CDKL5: variants seen among roughly 807,000 people sequenced by gnomAD.
CDKL5 encodes the protein cyclin dependent kinase like 5.
In CDKL5, 8 loss-of-function variants were observed where a neutral mutation model predicts 61.7. The observed-to-expected ratio is 0.13, with a 90% CI of 0.08 to 0.23. CDKL5 has a LOEUF of 0.23. Ranked by LOEUF, CDKL5 falls within the 10% of genes least tolerant of loss-of-function variation. The pLI, the probability that CDKL5 is intolerant of heterozygous loss-of-function variation, is 1.00. For synonymous variants in CDKL5, 275 were observed against 272.3 expected, an observed-to-expected ratio of 1.01 and a Z score of -0.10; for missense variants, 440 against 734.5, an observed-to-expected ratio of 0.60 and a Z score of 4.63.
intron 3 of CDKL5, among the ~76,000 whole-genome samples, chrX:18,552,721 C>T (rs1285460552): frequency 9.0e-6 from 1 of 111,234 alleles, no homozygotes; most frequent in Non-Finnish European, 1.9e-5. Flanking sequence ...ATTGATTGAG[C>T]CAGGATCTGG....
chrX:18,440,887 C>G (rs772645169), intron 1 of CDKL5, among the ~76,000 whole-genome samples: 4 of 111,477 alleles, frequency 3.6e-5, no homozygotes, highest in African/African-American at 1.3e-4. Flanking sequence ...AAGGTGTTGG[C>G]GCAAAGAAAG....
chrX:18,518,533 T>C (rs759751365), intron 3 of CDKL5, among the ~76,000 whole-genome samples: 9 of 104,239 alleles, frequency 8.6e-5, no homozygotes, highest in Non-Finnish European at 1.4e-4. Context: ...GCCTCCCGAG[T>C]AGCTGGGACT....
intron 3 of CDKL5, among the ~76,000 whole-genome samples, chrX:18,518,754 T>C (rs1445901593): frequency 9.1e-6 from 1 of 109,369 alleles, no homozygotes. Flanking sequence ...GGGAGGTGAA[T>C]TTGAGATAAG....
At chrX:18,649,839 G>A (rs1927952162) in intron 20 of CDKL5, among the ~76,000 whole-genome samples, 1 of 112,179 alleles carries the variant, frequency 8.9e-6, no homozygotes, top group Non-Finnish European at 1.9e-5. Context: ...GGGAAGACAA[G>A]CCCGAGCGAT....
chrX:18,516,290 T>G (rs1156856311), intron 3 of CDKL5, among the ~76,000 whole-genome samples: 2 of 107,791 alleles, frequency 1.9e-5, no homozygotes, highest in African/African-American at 6.8e-5. Flanking sequence ...CTACGTTTTT[T>G]TTTTTTTTTT....
At chrX:18,555,757 T>C (rs1346652095) in intron 3 of CDKL5, among the ~76,000 whole-genome samples, 1 of 112,282 alleles carries the variant, frequency 8.9e-6, no homozygotes, top group Admixed American at 9.4e-5. Flanking sequence ...ATAAGACAGC[T>C]TCATTTACTC....
chrX:18,518,763 A>G (rs1256322679), intron 3 of CDKL5, among the ~76,000 whole-genome samples: 1 of 108,989 alleles, frequency 9.2e-6, no homozygotes, highest in East Asian at 2.9e-4. Context: ...ATTTGAGATA[A>G]GATGGTAGTT....
intron 2 of CDKL5, 115 bp downstream of exon 2, chrX:18,507,275 G>T (rs191108803): frequency 1.0e-5 from 5 of 489,686 alleles, no homozygotes; most frequent in African/African-American, 9.6e-5. Context: ...ATTCACATGT[G>T]TGTCTAAGAG....
Position 18,526,839 on chromosome X carries a change from A to G in CDKL5, c.99+15985A>G, listed in dbSNP as rs368736412. Among the ~76,000 whole-genome samples the G allele has an allele frequency of 4.7e-4, 51 of 108,029 alleles. No individual in the cohort carries two copies. The East Asian group carries it at 0.013, about 28-fold the overall frequency. 93.8% of individuals were successfully genotyped at this position (108,029 alleles called of 115,157 possible). On this transcript the variant is annotated intron_variant, in intron 3 of 17. Transcript: ENST00000623535. ...ACTCTTGTTGCCCAGGCTGGAGTGC[A>G]ATGGTGCGATCTCAGCTCACCGCAA...
intron 3 of CDKL5, among the ~76,000 whole-genome samples, chrX:18,560,923 A>G (rs139415283): frequency 1.4e-3 from 152 of 111,965 alleles, no homozygotes; most frequent in African/African-American, 4.7e-3. Flanking sequence ...TAGGCCTCAT[A>G]CTTCTTTTCT....
At chrX:18,465,508 A>G (rs1405482418) in intron 1 of CDKL5, among the ~76,000 whole-genome samples, 1 of 110,848 alleles carries the variant, frequency 9.0e-6, no homozygotes, top group Non-Finnish European at 1.9e-5. Flanking sequence ...TCTACTAAAA[A>G]TACAAAAAAA....
intron 4 of CDKL5, among the ~76,000 whole-genome samples, chrX:18,573,821 A>G (rs1458611225): frequency 3.6e-5 from 4 of 111,772 alleles, no homozygotes; most frequent in African/African-American, 1.3e-4. Context: ...CCGTGTTCCC[A>G]GTTTGTTATG....
At position 18,653,477 on chromosome X, in the gene CDKL5, A is replaced by G. The variant is rs2147201225; in HGVS notation, c.3026A>G (p.His1009Arg). The G allele has an allele frequency of 8.3e-7, 1 of 1,211,392 alleles. No individual in the cohort carries two copies. The highest frequency in any genetic ancestry group is 1.7e-5 in the African/African-American group (1 of 57,690). Residue 1009 changes from histidine to arginine, a missense_variant, in exon 22 of 22, where the codon CAC (histidine) becomes CGC (arginine). Transcript: ENST00000379989. ...CACGTTATGAGGGAAGCCCTGATTC[A>G]CAGGGCCCAGGTAAACCAAGCTGCG...
rs180738937 is a variant in CDKL5, at chrX:18,545,452, C to T, written c.100-19025C>T. On this transcript the variant is annotated intron_variant, in intron 3 of 17. Transcript: ENST00000623535. ...AACTAGAAGGATGTGACTCACACGT[C>T]ATTATGTAAATATTATCCATGCCAG... Among the ~76,000 whole-genome samples the T allele has an allele frequency of 2.6e-3, 295 of 111,668 alleles. 1 individual carries two copies. The highest frequency in any genetic ancestry group is 9.2e-3 in the African/African-American group (282 of 30,775).
intron 1 of CDKL5, among the ~76,000 whole-genome samples, chrX:18,461,146 A>C (rs1932278373): frequency 8.9e-6 from 1 of 112,038 alleles, no homozygotes; most frequent in Non-Finnish European, 1.9e-5. Flanking sequence ...TTTTTGGCTA[A>C]TTCAAATAAA....
intron 4 of CDKL5, among the ~76,000 whole-genome samples, chrX:18,565,013 A>G (rs1282116865): frequency 8.9e-6 from 1 of 111,998 alleles, no homozygotes. Context: ...AGAATAATGC[A>G]TTGAGAGAAT....
intron 1 of CDKL5, among the ~76,000 whole-genome samples, chrX:18,505,112 C>A (rs940945931): frequency 1.8e-5 from 2 of 111,174 alleles, no homozygotes; most frequent in African/African-American, 6.5e-5. Flanking sequence ...AGAAAAACTG[C>A]AAAAATAGTG....
intron 1 of CDKL5, among the ~76,000 whole-genome samples, chrX:18,502,525 C>T (rs1190057156): frequency 9.0e-6 from 1 of 111,205 alleles, no homozygotes; most frequent in East Asian, 2.8e-4. Flanking sequence ...AGGCCTGTGG[C>T]TCATGTGGAT....
At chrX:18,556,788 C>A (rs1924615793) in intron 3 of CDKL5, among the ~76,000 whole-genome samples, 1 of 100,791 alleles carries the variant, frequency 9.9e-6, no homozygotes, top group Non-Finnish European at 2.0e-5. Flanking sequence ...AAGACTGAGG[C>A]AGGAGAATCG....
Sources: allele counts gnomAD v4.1 joint callset (sites outside exome capture counted in the v4.1 genomes callset), GRCh38; gene constraint gnomAD v4.1.1; transcripts MANE v1.5; gene names NCBI Gene and HGNC (gene_info 2026-07-23, HGNC 2026-07-21).